PRRX2: variants seen among roughly 807,000 people sequenced by gnomAD.
PRRX2 encodes the protein paired related homeobox 2.
A neutral mutation model predicts 18.0 loss-of-function variants in PRRX2; 11 were observed. The ratio of observed to expected loss-of-function variants is 0.61; its 90% CI spans 0.39 to 1.01. The LOEUF is 1.01. PRRX2 is among the 50% of genes least tolerant of loss of function. The pLI is 0.01. For synonymous variants in PRRX2, 177 were observed against 154.8 expected (o/e 1.14, Z -1.06); for missense variants, 387 against 351.0 (o/e 1.10, Z -0.82).
chr9:129,713,040 C>A (rs1369979917), intron 1 of PRRX2: 1 of 152,292 alleles, frequency 6.6e-6, no homozygotes, highest in South Asian at 2.1e-4. Context: ...CCGGCACATC[C>A]GCTCGGAGGC....
chr9:129,696,841 C>A (rs180776111), intron 1 of PRRX2, among the ~76,000 whole-genome samples: 17 of 152,082 alleles, frequency 1.1e-4, no homozygotes, highest in Non-Finnish European at 2.4e-4. Context: ...AGGGGCGCCC[C>A]GGGTGAAGGT....
intron 1 of PRRX2, among the ~76,000 whole-genome samples, chr9:129,688,504 C>T (rs1352795369): frequency 6.6e-6 from 1 of 152,162 alleles, no homozygotes; most frequent in African/African-American, 2.4e-5. Flanking sequence ...CCTTCCTTTC[C>T]CTACCCCGCA....
rs527354835 is a variant in PRRX2, at chr9:129,719,263, G to C, written c.292G>C (p.Ala98Pro). Residue 98 changes from alanine to proline, a missense_variant, in exon 2 of 4, where the codon GCC becomes CCC. Transcript: ENST00000372469. The stretch of plus-strand genomic sequence containing the variant: ...TCCCAGCCCGGGGCGCGGTAGCGCC[G>C]CCAAGCGGAAGAAGAAGCAGCGGCG... Reference protein sequence around the residue: ...ECPSPGRGSAAKRKKKQRRNR... With the variant: ...ECPSPGRGSAPKRKKKQRRNR... 1 of 1,606,016 alleles carries C rather than the reference G, an allele frequency of 6.2e-7. No individual in the cohort carries two copies. The highest frequency in any genetic ancestry group is 1.7e-4 in the Middle Eastern group (1 of 5,998).
intron 1 of PRRX2, among the ~76,000 whole-genome samples, chr9:129,700,162 G>C (rs934705474): frequency 3.9e-5 from 6 of 152,110 alleles, no homozygotes; most frequent in Non-Finnish European, 1.5e-5. Context: ...CAACAACTCT[G>C]GGAGGAAGAT....
intron 1 of PRRX2, among the ~76,000 whole-genome samples, chr9:129,691,879 A>C (rs1175624294): frequency 6.6e-6 from 1 of 151,552 alleles, no homozygotes; most frequent in Non-Finnish European, 1.5e-5. Context: ...ACAGGGTGTC[A>C]CTGTGTTTGC....
chr9:129,717,324 C>G (rs185538798), intron 1 of PRRX2, among the ~76,000 whole-genome samples: 1 of 152,248 alleles, frequency 6.6e-6, no homozygotes, highest in Admixed American at 6.5e-5. Context: ...CCTGCCTCAG[C>G]GTCCCGAAGT....
At chr9:129,691,359 A>G (rs1363693358) in intron 1 of PRRX2, among the ~76,000 whole-genome samples, 1 of 152,048 alleles carries the variant, frequency 6.6e-6, no homozygotes. Flanking sequence ...TAAACTTACA[A>G]TCACAGAAAT....
intron 2 of PRRX2, 125 bp downstream of exon 2, chr9:129,719,543 C>A: frequency 8.1e-7 from 1 of 1,231,932 alleles, no homozygotes; most frequent in Non-Finnish European, 1.1e-6. Flanking sequence ...GCCAGGAGGA[C>A]GGGGGTTCAG....
Position 129,691,276 on chromosome 9 carries a change from G to T in PRRX2, c.259+25150G>T, listed in dbSNP as rs142284645. ...TGCTTGAACCTGGGAGGCAGGGGTT[G>T]CGGTGACCCAAGATCGCACCATTGC... On this transcript the variant is annotated intron_variant, in intron 1 of 3. Coordinates refer to ENST00000372469, the MANE Select transcript of PRRX2 (RefSeq NM_016307.4). Among the ~76,000 whole-genome samples the T allele has an allele frequency of 7.7e-3, 1,174 of 151,984 alleles. 18 individuals are homozygous for T. The highest frequency in any genetic ancestry group is 0.026 in the African/African-American group (1,067 of 41,400).
intron 1 of PRRX2, among the ~76,000 whole-genome samples, chr9:129,690,475 T>C (rs1832347686): frequency 6.6e-6 from 1 of 150,418 alleles, no homozygotes; most frequent in South Asian, 2.1e-4. Flanking sequence ...TGGACAGACA[T>C]GACTAGCACC....
intron 1 of PRRX2, among the ~76,000 whole-genome samples, chr9:129,696,426 T>A (rs2130921615): frequency 6.6e-6 from 1 of 151,912 alleles, no homozygotes; most frequent in East Asian, 1.9e-4. Flanking sequence ...AATACAAAAA[T>A]TGGCCAGGCG....
At chr9:129,710,160 T>C (rs1218048331) in intron 1 of PRRX2, among the ~76,000 whole-genome samples, 1 of 152,088 alleles carries the variant, frequency 6.6e-6, no homozygotes, top group South Asian at 2.1e-4. Flanking sequence ...GGAGGAGACG[T>C]TGCCAGCTCA....
intron 1 of PRRX2, among the ~76,000 whole-genome samples, chr9:129,680,825 C>T (rs1588163821): frequency 6.6e-6 from 1 of 152,170 alleles, no homozygotes; most frequent in South Asian, 2.1e-4. Flanking sequence ...TGGATGTGAC[C>T]GCCACTCCTG....
At chr9:129,679,556 G>C (rs531352597) in intron 1 of PRRX2, among the ~76,000 whole-genome samples, 1 of 152,292 alleles carries the variant, frequency 6.6e-6, no homozygotes, top group South Asian at 2.1e-4. Flanking sequence ...CAGTAAGTAC[G>C]TGGGGGCACC....
chr9:129,716,707 G>A (rs1328168448), intron 1 of PRRX2, among the ~76,000 whole-genome samples: 2 of 151,830 alleles, frequency 1.3e-5, no homozygotes, highest in East Asian at 1.9e-4. Flanking sequence ...CACCTGCCTC[G>A]GCCTCCCAAA....
chr9:129,719,604 GCTGT>G (rs1456585391), intron 2 of PRRX2, among the ~76,000 whole-genome samples, 186 bp downstream of exon 2: 1 of 152,270 alleles, frequency 6.6e-6, no homozygotes, highest in East Asian at 1.9e-4. Context: ...AGTGACTTAA[GCTGT>G]CTGTGCTGCA....
intron 1 of PRRX2, among the ~76,000 whole-genome samples, chr9:129,677,545 G>T (rs922974706): frequency 2.6e-5 from 4 of 152,200 alleles, no homozygotes; most frequent in Admixed American, 6.5e-5. Flanking sequence ...CCTGAGGAAG[G>T]CCCCCCTCCA....
chr9:129,676,529 G>T (rs920339927), intron 1 of PRRX2, among the ~76,000 whole-genome samples: 3 of 152,232 alleles, frequency 2.0e-5, no homozygotes, highest in Non-Finnish European at 2.9e-5. Context: ...CACACAGGGG[G>T]TGGAGAAGCC....
intron 1 of PRRX2, among the ~76,000 whole-genome samples, chr9:129,685,935 C>T (rs910978040): frequency 1.3e-5 from 2 of 152,184 alleles, no homozygotes; most frequent in South Asian, 4.1e-4. Context: ...GGCCAGACCC[C>T]CACGCCTTTC....
Sources: allele counts gnomAD v4.1 joint callset (sites outside exome capture counted in the v4.1 genomes callset), GRCh38; gene constraint gnomAD v4.1.1; transcripts MANE v1.5; gene names NCBI Gene and HGNC (gene_info 2026-07-23, HGNC 2026-07-21).